Variants in PTPRN2 observed in about 807,000 individuals in gnomAD.
The protein encoded by PTPRN2 is receptor-type tyrosine-protein phosphatase N2.
PTPRN2 carries 74 observed loss-of-function variants against 118.8 expected under a neutral mutation model. The ratio of observed to expected loss-of-function variants is 0.62; its 90% CI spans 0.52 to 0.76. PTPRN2 has a LOEUF of 0.76. PTPRN2 is among the 30% of genes least tolerant of loss of function. PTPRN2 has a pLI of 0.00. For missense variants in PTPRN2, 1,481 were observed against 1,394.4 expected (o/e 1.06, Z -0.99); for synonymous variants, 641 against 608.0 (o/e 1.05, Z -0.80).
intron 6 of PTPRN2, among the ~76,000 whole-genome samples, chr7:158,150,729 C>T (rs547890248): frequency 3.3e-5 from 5 of 152,068 alleles, no homozygotes; most frequent in South Asian, 2.1e-4. Flanking sequence ...TGGTGATCTG[C>T]AAAGCTCTCT....
intron 5 of PTPRN2, among the ~76,000 whole-genome samples, chr7:158,189,846 G>C (rs1437297020): frequency 2.0e-5 from 3 of 152,216 alleles, no homozygotes; most frequent in African/African-American, 7.2e-5. Flanking sequence ...CAGCGGGGCA[G>C]AGGAGGAGGA....
chr7:157,982,479 T>C (rs13236509), intron 11 of PTPRN2, among the ~76,000 whole-genome samples: 47 of 78,036 alleles, frequency 6.0e-4, no homozygotes, highest in South Asian at 1.5e-3. Context: ...GTCATAGAGA[T>C]GAGGAGGGGA....
In PTPRN2 at chr7:158,003,269, C is replaced by T. The variant is rs1006271493; in HGVS notation, c.1723+78029G>A. Among the ~76,000 whole-genome samples, 4 of 151,700 alleles carry T rather than the reference C, an allele frequency of 2.6e-5. No individual in the cohort carries two copies. Among genetic ancestry groups the T allele is most frequent in the Non-Finnish European group, 5.9e-5 (4 of 67,944 alleles). On this transcript the variant is annotated intron_variant, in intron 11 of 22. Transcript: ENST00000389418. This position sits in a 1 kb window ranked among gnomAD's most constrained non-coding sequence, Gnocchi z 5.0. Reference sequence around the variant, plus strand: ...TTCTACTAAAAATACAAAAAATTAGCCGGGCGTGTTGGCGGGCGCCTGTAG... The same window carrying T: ...TTCTACTAAAAATACAAAAAATTAGTCGGGCGTGTTGGCGGGCGCCTGTAG...
At chr7:158,099,037 C>G (rs1814947176) in intron 10 of PTPRN2, among the ~76,000 whole-genome samples, 1 of 50,272 alleles carries the variant, frequency 2.0e-5, no homozygotes, top group African/African-American at 9.6e-5. Flanking sequence ...CCCTTCCTCC[C>G]CCCAACACAT....
intron 12 of PTPRN2, among the ~76,000 whole-genome samples, chr7:157,818,433 C>T (rs886446222): frequency 5.3e-5 from 8 of 152,098 alleles, no homozygotes; most frequent in Non-Finnish European, 8.8e-5. Flanking sequence ...ATAATCTGGA[C>T]ATTTGGGAAG....
intron 9 of PTPRN2, among the ~76,000 whole-genome samples, chr7:158,126,622 C>T (rs1470167419): frequency 3.3e-5 from 3 of 91,754 alleles, no homozygotes; most frequent in Admixed American, 1.1e-4. Context: ...CACCAGCCCC[C>T]GGAGAGCGGG....
rs774811699 is a variant in PTPRN2 at position 158,526,513 on chromosome 7, G to A, written c.113-36728C>T. 2.0e-5 allele frequency among the ~76,000 whole-genome samples: 3 copies of A among 152,140 alleles called. No individual in the cohort carries two copies. Among genetic ancestry groups the A allele is most frequent in the African/African-American group, 7.2e-5 (3 of 41,422 alleles). On this transcript the variant is annotated intron_variant, in intron 1 of 22. Coordinates refer to ENST00000389418, the MANE Select transcript of PTPRN2 (RefSeq NM_002847.5). The surrounding 1 kb of genome is among the most constrained non-coding windows in gnomAD (Gnocchi z 5.2). ...GGACTGTGGCTTGGGAAACTGACTC[G>A]GTTGTTCTCCATTCCTGATCCCATT...
chr7:158,572,402 C>A (rs1052671830), intron 1 of PTPRN2, among the ~76,000 whole-genome samples: 1 of 152,212 alleles, frequency 6.6e-6, no homozygotes, highest in Non-Finnish European at 1.5e-5. Context: ...CCCCATCTAG[C>A]GGCTGAGGAT....
At chr7:157,926,422 G>A (rs1221495042) in intron 11 of PTPRN2, among the ~76,000 whole-genome samples, 1 of 152,258 alleles carries the variant, frequency 6.6e-6, no homozygotes, top group Non-Finnish European at 1.5e-5. Context: ...TGCCAGTTCT[G>A]TATTAGAAGT....
At chr7:157,965,632 G>T (rs1169149104) in intron 11 of PTPRN2, among the ~76,000 whole-genome samples, 1 of 152,174 alleles carries the variant, frequency 6.6e-6, no homozygotes, top group African/African-American at 2.4e-5. Context: ...ACCTCAGGAG[G>T]GTCAGAGCCC....
At position 158,267,170 on chromosome 7, in the gene PTPRN2, C is replaced by T. The variant is rs577514063; in HGVS notation, c.277+49649G>A. On this transcript the variant is annotated intron_variant, in intron 3 of 22. Transcript: ENST00000389418. ...GACACTTTGCGTGGAATTTTAAAAGCTGCTTAATCAGGAAGGAGCCAGTCA... is the reference window on the plus strand; with the variant it reads ...GACACTTTGCGTGGAATTTTAAAAGTTGCTTAATCAGGAAGGAGCCAGTCA... Among the ~76,000 whole-genome samples, 4 of 152,340 alleles carry T rather than the reference C, an allele frequency of 2.6e-5. No individual in the cohort carries two copies. The East Asian group carries it at 7.7e-4, about 29-fold the overall frequency.
chr7:158,296,924 C>T (rs1474667341), intron 3 of PTPRN2, among the ~76,000 whole-genome samples: 1 of 152,198 alleles, frequency 6.6e-6, no homozygotes, highest in African/African-American at 2.4e-5. Context: ...ACGCCCGGCA[C>T]TCAGGGAACT....
At chr7:157,606,847 A>C (rs1323785349) in intron 15 of PTPRN2, among the ~76,000 whole-genome samples, 1 of 152,244 alleles carries the variant, frequency 6.6e-6, no homozygotes, top group Non-Finnish European at 1.5e-5. Flanking sequence ...TGATTGAACT[A>C]GGAAAGTACT....
intron 21 of PTPRN2, among the ~76,000 whole-genome samples, chr7:157,563,359 A>G (rs1431044287): frequency 1.3e-5 from 1 of 77,712 alleles, no homozygotes; most frequent in African/African-American, 5.8e-5. Flanking sequence ...ACGTGCTCCC[A>G]CGTCACCACA....
rs1008594203 is a variant in PTPRN2 at position 157,801,311 on chromosome 7, C to T, written c.1788+97362G>A. Among the ~76,000 whole-genome samples, 4 of 152,142 alleles carry T rather than the reference C, an allele frequency of 2.6e-5. No individual in the cohort carries two copies. The highest frequency in any genetic ancestry group is 9.7e-5 in the African/African-American group (4 of 41,424). On this transcript the variant is annotated intron_variant, in intron 12 of 22. Transcript: ENST00000389418. The surrounding 1 kb of genome is among the most constrained non-coding windows in gnomAD (Gnocchi z 4.2). Reference sequence around the variant, plus strand: ...TCTCGACCCCTGTTAGGAGCAACGGCGGTGAGGCAGGATGAACGGCCTCAT... The same window carrying T: ...TCTCGACCCCTGTTAGGAGCAACGGTGGTGAGGCAGGATGAACGGCCTCAT...
chr7:158,398,338 T>C (rs1327957672), intron 2 of PTPRN2, among the ~76,000 whole-genome samples: 1 of 152,202 alleles, frequency 6.6e-6, no homozygotes, highest in Non-Finnish European at 1.5e-5. Flanking sequence ...CTGGGTTGTG[T>C]TGCTGGCCTT....
intron 12 of PTPRN2, among the ~76,000 whole-genome samples, chr7:157,707,099 G>A (rs759890588): frequency 4.6e-5 from 7 of 152,164 alleles, no homozygotes; most frequent in Non-Finnish European, 1.0e-4. Context: ...TTTCTGATAC[G>A]CAGGTACCTG....
intron 11 of PTPRN2, among the ~76,000 whole-genome samples, chr7:158,037,190 T>C (rs1808141609): frequency 6.6e-6 from 1 of 152,248 alleles, no homozygotes; most frequent in South Asian, 2.1e-4. Flanking sequence ...TTAAGAACTT[T>C]ACATTTAAAA....
At chr7:157,707,218 CAT>C (rs1798378300) in intron 12 of PTPRN2, among the ~76,000 whole-genome samples, 2 of 151,672 alleles carry the variant, frequency 1.3e-5, no homozygotes, top group Middle Eastern at 3.4e-3. Context: ...ACCACATTCA[CAT>C]AGACAAGTAC....
Sources: gnomAD v4.1 joint callset for allele counts (sites outside exome capture counted in the v4.1 genomes callset) on GRCh38, gnomAD v4.1.1 for gene constraint, Gnocchi (gnomAD v3.1) non-coding constraint, MANE v1.5 for transcripts, NCBI Gene and HGNC (gene_info 2026-07-23, HGNC 2026-07-21) for gene names.